FOXP2: variants seen among roughly 807,000 people sequenced by gnomAD.
FOXP2 encodes the protein forkhead box P2.
In FOXP2, 12 loss-of-function variants were observed where a neutral mutation model predicts 115.8. That is an observed-to-expected ratio of 0.10 (90% CI 0.07 to 0.17). FOXP2 has a LOEUF of 0.17. FOXP2 is among the 10% of genes least tolerant of loss of function. The pLI, the probability that FOXP2 is intolerant of heterozygous loss-of-function variation, is 1.00. For synonymous variants in FOXP2, 328 were observed against 297.7 expected, an observed-to-expected ratio of 1.10 and a Z score of -1.05; for missense variants, 629 against 843.5, an observed-to-expected ratio of 0.75 and a Z score of 3.15.
intron 3 of FOXP2, among the ~76,000 whole-genome samples, chr7:114,575,777 T>C (rs536079924): frequency 6.6e-6 from 1 of 152,054 alleles, no homozygotes; most frequent in African/African-American, 2.4e-5. Flanking sequence ...CTTCCTATAT[T>C]ATAAACATAT....
At chr7:114,579,720 T>A (rs1215701903) in intron 3 of FOXP2, among the ~76,000 whole-genome samples, 1 of 152,216 alleles carries the variant, frequency 6.6e-6, no homozygotes, top group African/African-American at 2.4e-5. Context: ...CATACTTGTC[T>A]AACTCACACT....
intron 1 of FOXP2, among the ~76,000 whole-genome samples, chr7:114,210,566 A>G (rs1050744426): frequency 1.3e-5 from 2 of 152,128 alleles, no homozygotes; most frequent in Non-Finnish European, 2.9e-5. Context: ...ACCTGCCTGA[A>G]TACAACTGTA....
At chr7:114,438,736 A>G (rs1357270700) in intron 2 of FOXP2, among the ~76,000 whole-genome samples, 1 of 152,136 alleles carries the variant, frequency 6.6e-6, no homozygotes, top group Non-Finnish European at 1.5e-5. Flanking sequence ...CACAGCTAGA[A>G]TAAAAAATGA....
chr7:114,657,816 G>T (rs1806667932), intron 10 of FOXP2, among the ~76,000 whole-genome samples: 1 of 152,110 alleles, frequency 6.6e-6, no homozygotes, highest in African/African-American at 2.4e-5. Context: ...GCTGAAGTCT[G>T]GTAGGACAAG....
chr7:114,355,256 C>A (rs1791593358), intron 2 of FOXP2, among the ~76,000 whole-genome samples: 1 of 152,062 alleles, frequency 6.6e-6, no homozygotes, highest in Non-Finnish European at 1.5e-5. Context: ...CAGAAAGTAC[C>A]AGGTGAATTT....
intron 2 of FOXP2, among the ~76,000 whole-genome samples, chr7:114,468,904 A>G (rs1158481114): frequency 6.6e-6 from 1 of 152,200 alleles, no homozygotes; most frequent in Non-Finnish European, 1.5e-5. Context: ...AAAGTCATTA[A>G]TGAAGACTGA....
intron 2 of FOXP2, among the ~76,000 whole-genome samples, chr7:114,316,434 C>A (rs1797277495): frequency 6.6e-6 from 1 of 152,188 alleles, no homozygotes; most frequent in Non-Finnish European, 1.5e-5. Flanking sequence ...ATCAACAAAA[C>A]AGGTATAGTC....
At chr7:114,306,944 C>T (rs891975501) in intron 2 of FOXP2, among the ~76,000 whole-genome samples, 3 of 152,114 alleles carry the variant, frequency 2.0e-5, no homozygotes, top group African/African-American at 7.2e-5. Context: ...CTTGTGATTA[C>T]AGTGGGTCCA....
chr7:114,586,637 T>C (rs1281513722), intron 3 of FOXP2, among the ~76,000 whole-genome samples: 1 of 152,050 alleles, frequency 6.6e-6, no homozygotes, highest in Non-Finnish European at 1.5e-5. Flanking sequence ...ATAAATAAGG[T>C]GCTTTCAGAT....
intron 1 of FOXP2, among the ~76,000 whole-genome samples, chr7:114,262,884 T>G (rs962327286): frequency 6.6e-6 from 1 of 152,172 alleles, no homozygotes; most frequent in Non-Finnish European, 1.5e-5. Context: ...ATTTCTACTT[T>G]TCTTTTTACC....
intron 3 of FOXP2, among the ~76,000 whole-genome samples, chr7:114,552,113 T>C (rs1363521968): frequency 6.6e-6 from 1 of 152,222 alleles, no homozygotes; most frequent in African/African-American, 2.4e-5. Flanking sequence ...TGAGGGATCA[T>C]CAAGCCAGGC....
chr7:114,472,931 A>T (rs2158124), intron 2 of FOXP2, among the ~76,000 whole-genome samples: 12,160 of 152,178 alleles, frequency 0.08, 569 homozygotes, highest in Middle Eastern at 0.16. Context: ...TTGGTAGTAG[A>T]ACAGAAGAAG....
intron 1 of FOXP2, among the ~76,000 whole-genome samples, chr7:114,230,108 A>T (rs1794837039): frequency 6.6e-6 from 1 of 151,884 alleles, no homozygotes; most frequent in Non-Finnish European, 1.5e-5. Flanking sequence ...ATTATACACC[A>T]TCATACTGGA....
chr7:114,171,396 G>C (rs1246136473), intron 1 of FOXP2, among the ~76,000 whole-genome samples: 1 of 152,062 alleles, frequency 6.6e-6, no homozygotes, highest in East Asian at 1.9e-4. Context: ...AACATAACGA[G>C]ACCTCATCTC....
At chr7:114,605,196 C>A (rs1397437678) in intron 3 of FOXP2, among the ~76,000 whole-genome samples, 1 of 152,002 alleles carries the variant, frequency 6.6e-6, no homozygotes, top group Admixed American at 6.6e-5. Context: ...TTTTTTCTTG[C>A]CATTACATCT....
At chr7:114,520,296 C>G (rs1320274069) in intron 2 of FOXP2, among the ~76,000 whole-genome samples, 5 of 152,088 alleles carry the variant, frequency 3.3e-5, no homozygotes, top group African/African-American at 9.7e-5. Context: ...ATGAAGTGTT[C>G]TTCCTCACAG....
chr7:114,663,676 T>G lies in FOXP2; in HGVS notation c.1839+157T>G, dbSNP rs571695002. On this transcript the variant is annotated intron_variant, in intron 15 of 16. Transcript: ENST00000350908. The stretch of plus-strand genomic sequence containing the variant: ...GTACTATAGACAGCACTGGTTCTAA[T>G]TCAAGCTACTTTTGATGTGAAGAAG... Among the ~76,000 whole-genome samples the G allele has an allele frequency of 1.9e-4, 29 of 152,160 alleles. No individual in the cohort carries two copies. In the South Asian group the frequency reaches 5.8e-3, roughly 30 times the overall value.
In FOXP2 at chr7:114,323,410, G is replaced by T. The variant is rs1584635962; in HGVS notation, c.-11+35301G>T. On this transcript the variant is annotated intron_variant, in intron 2 of 17. Coordinates refer to the FOXP2 transcript ENST00000634411. The stretch of plus-strand genomic sequence containing the variant: ...ATTCGTTGTACAAGTACAGAAAAAT[G>T]AATTTAATATCTATTATTTTAAATA... 2.0e-5 allele frequency among the ~76,000 whole-genome samples: 3 copies of T among 152,058 alleles called. No individual in the cohort carries two copies. The South Asian group carries it at 6.2e-4, about 32-fold the overall frequency.
At chr7:114,676,268 T>C (rs569351134) in intron 16 of FOXP2, among the ~76,000 whole-genome samples, 1 of 152,048 alleles carries the variant, frequency 6.6e-6, no homozygotes, top group South Asian at 2.1e-4. Context: ...GTATTCCACG[T>C]AAGTTAAAGG....
Sources: allele counts gnomAD v4.1 joint callset (sites outside exome capture counted in the v4.1 genomes callset), GRCh38; gene constraint gnomAD v4.1.1; transcripts MANE v1.5; gene names NCBI Gene and HGNC (gene_info 2026-07-23, HGNC 2026-07-21).